The following CACNA1D variants were observed in gnomAD, a reference collection of about 807,000 sequenced individuals.
CACNA1D encodes the protein calcium voltage-gated channel subunit alpha1 D.
CACNA1D carries 55 observed loss-of-function variants against 257.1 expected under a neutral mutation model. That is an observed-to-expected ratio of 0.21 (90% CI 0.17 to 0.27). The LOEUF (loss-of-function observed/expected upper bound fraction) is 0.27. Among genes scored for constraint, CACNA1D ranks in the 10% least tolerant of loss-of-function variants. The pLI, the probability that CACNA1D is intolerant of heterozygous loss-of-function variation, is 1.00. For missense variants in CACNA1D, 1,876 were observed against 2,784.0 expected, an observed-to-expected ratio of 0.67 and a Z score of 7.34; for synonymous variants, 980 against 1,014.9, an observed-to-expected ratio of 0.97 and a Z score of 0.65.
At chr3:53,506,597 C>G (rs1388720629) in intron 3 of CACNA1D, among the ~76,000 whole-genome samples, 2 of 152,186 alleles carry the variant, frequency 1.3e-5, no homozygotes, top group East Asian at 3.8e-4. Flanking sequence ...AATGACCATA[C>G]AAGGACTCCA....
At chr3:53,631,769 G>A (rs1162670806) in intron 3 of CACNA1D, among the ~76,000 whole-genome samples, 1 of 152,206 alleles carries the variant, frequency 6.6e-6, no homozygotes, top group Non-Finnish European at 1.5e-5. Flanking sequence ...ATATTAGCAG[G>A]CATGAAAACC....
At chr3:53,679,578 C>T (rs935522454) in intron 8 of CACNA1D, 9 of 152,182 alleles carry the variant, frequency 5.9e-5, no homozygotes, top group Admixed American at 1.3e-4. Flanking sequence ...CTAAGGCACA[C>T]GGAAGTCCAG....
intron 3 of CACNA1D, among the ~76,000 whole-genome samples, chr3:53,603,761 C>T (rs575023258): frequency 7.2e-5 from 11 of 152,316 alleles, no homozygotes; most frequent in African/African-American, 1.7e-4. Context: ...ATGAATACCC[C>T]TGGGGAACTT....
chr3:53,641,998 T>A (rs1194832661), intron 3 of CACNA1D, among the ~76,000 whole-genome samples: 2 of 152,216 alleles, frequency 1.3e-5, no homozygotes, highest in Non-Finnish European at 2.9e-5. Flanking sequence ...TAGGTGGGAC[T>A]CCTTCATTTG....
intron 21 of CACNA1D, chr3:53,740,598 GTT>G (rs57900500): frequency 6.4e-4 from 211 of 331,232 alleles, no homozygotes; most frequent in Middle Eastern, 1.7e-3. Context: ...GTTGAGCTAA[GTT>G]TTTTTTTTTT....
intron 8 of CACNA1D, among the ~76,000 whole-genome samples, chr3:53,678,222 C>G (rs971351509): frequency 2.0e-5 from 3 of 152,286 alleles, no homozygotes; most frequent in South Asian, 4.1e-4. Flanking sequence ...AAGAATAGAT[C>G]AAAATCATTT....
intron 3 of CACNA1D, among the ~76,000 whole-genome samples, chr3:53,644,485 C>A (rs145353934): frequency 6.6e-6 from 1 of 152,094 alleles, no homozygotes; most frequent in Non-Finnish European, 1.5e-5. Flanking sequence ...TCTTCCTGAC[C>A]CCCACCTCTG....
At chr3:53,548,276 T>G (rs1372595306) in intron 3 of CACNA1D, among the ~76,000 whole-genome samples, 1 of 151,912 alleles carries the variant, frequency 6.6e-6, no homozygotes, top group Non-Finnish European at 1.5e-5. Context: ...ACCTTGGCTT[T>G]GCAGATTGTA....
intron 29 of CACNA1D, among the ~76,000 whole-genome samples, chr3:53,754,059 G>C (rs1187455898): frequency 6.6e-6 from 1 of 152,208 alleles, no homozygotes; most frequent in African/African-American, 2.4e-5. Context: ...GAAAGAATTT[G>C]ACCCTGATTA....
rs1226843053 is a variant in CACNA1D, at chr3:53,732,975, CT to C, written c.2621+15del. On this transcript the variant is annotated intron_variant, in intron 19 of 47. Transcript: ENST00000350061. ...GCAAGACCAACCCGTAAATACTCCC[CT>C]TCTAGTCTCTCACGGCTGCCTCTTG... is the stretch of plus-strand genomic sequence containing the variant. 3.1e-6 allele frequency: 5 copies of C among 1,613,682 alleles called. No individual in the cohort carries two copies. Among genetic ancestry groups the C allele is most frequent in the Middle Eastern group, 1.6e-4 (1 of 6,076 alleles).
intron 3 of CACNA1D, among the ~76,000 whole-genome samples, chr3:53,589,261 C>G (rs769570517): frequency 3.9e-5 from 6 of 152,156 alleles, no homozygotes; most frequent in Non-Finnish European, 8.8e-5. Context: ...GTTGCGCATC[C>G]TTCTACACGT....
At chr3:53,620,131 G>T (rs2093679764) in intron 3 of CACNA1D, among the ~76,000 whole-genome samples, 1 of 152,194 alleles carries the variant, frequency 6.6e-6, no homozygotes, top group South Asian at 2.1e-4. Context: ...AAGCAGAGAA[G>T]TCCAGGCTCT....
At chr3:53,740,493 G>A (rs1214102674) in intron 21 of CACNA1D, 154 bp downstream of exon 21, 30 of 689,708 alleles carry the variant, frequency 4.3e-5, no homozygotes, top group African/African-American at 7.0e-5. Flanking sequence ...CAGGTTACCC[G>A]GCAGTGTGTT....
intron 3 of CACNA1D, among the ~76,000 whole-genome samples, chr3:53,589,774 C>A: frequency 6.6e-6 from 1 of 152,176 alleles, no homozygotes; most frequent in East Asian, 1.9e-4. Context: ...TGTGCCTGGC[C>A]TTGTTTTGGC....
chr3:53,559,086 A>G (rs953801737), intron 3 of CACNA1D, among the ~76,000 whole-genome samples: 10 of 152,112 alleles, frequency 6.6e-5, no homozygotes, highest in Admixed American at 2.0e-4. Context: ...CATGTTTTAC[A>G]TTAGATAATC....
Position 53,568,570 on chromosome 3 carries a change from G to A in CACNA1D, c.483+66850G>A, listed in dbSNP as rs116503096. 9.4e-3 allele frequency among the ~76,000 whole-genome samples: 1,437 copies of A among 152,196 alleles called. 23 individuals are homozygous for A. The highest frequency in any genetic ancestry group is 0.033 in the African/African-American group (1,362 of 41,514). ...GGTGACCATACACACTCCTTGCTAA[G>A]GCCAGCTTCTTTACTCGCACACCAG... On this transcript the variant is annotated intron_variant, in intron 3 of 47. Coordinates refer to ENST00000350061, the MANE Select transcript of CACNA1D (RefSeq NM_001128840.3).
intron 2 of CACNA1D, 132 bp downstream of exon 2, chr3:53,497,593 T>A: frequency 1.1e-6 from 1 of 880,960 alleles, no homozygotes; most frequent in Non-Finnish European, 1.8e-6. Context: ...ATATAAGGGG[T>A]TTCATTGTAT....
At chr3:53,781,522 A>G in intron 38 of CACNA1D, 44 bp from the exon 39 acceptor site, 1 of 1,312,140 alleles carries the variant, frequency 7.6e-7, no homozygotes. Flanking sequence ...GAGCTGGGGA[A>G]CAGAAATGAG....
chr3:53,665,845 TA>T, intron 6 of CACNA1D, 33 bp downstream of exon 6: 1 of 1,590,120 alleles, frequency 6.3e-7, no homozygotes, highest in Non-Finnish European at 8.6e-7. Context: ...AACTTAACTT[TA>T]AAATTTTTTT....
Sources: gnomAD v4.1 joint callset for allele counts (sites outside exome capture counted in the v4.1 genomes callset) on GRCh38, gnomAD v4.1.1 for gene constraint, MANE v1.5 for transcripts, NCBI Gene and HGNC (gene_info 2026-07-23, HGNC 2026-07-21) for gene names.